The following ZNF804B variants were observed in gnomAD, a reference collection of about 807,000 sequenced individuals.
ZNF804B encodes zinc finger protein 804B, also known as zinc finger 804B.
ZNF804B carries 80 observed loss-of-function variants against 101.4 expected under a neutral mutation model. That is an observed-to-expected ratio of 0.79 (90% CI 0.66 to 0.95). The LOEUF (loss-of-function observed/expected upper bound fraction) is 0.95, where lower values mean the gene tolerates loss of function less well. Ranked by LOEUF, ZNF804B falls within the 40% of genes least tolerant of loss-of-function variation. The pLI is 0.00. For missense variants in ZNF804B, 1,673 were observed against 1,561.9 expected (o/e 1.07, Z -1.20); for synonymous variants, 622 against 558.8 (o/e 1.11, Z -1.59).
chr7:88,850,435 A>T (rs1049687244), intron 1 of ZNF804B, among the ~76,000 whole-genome samples: 2 of 152,144 alleles, frequency 1.3e-5, no homozygotes, highest in African/African-American at 4.8e-5. Flanking sequence ...TAGAGTTCTG[A>T]TCAGTGCGTG....
chr7:89,025,610 C>G (rs908673904), intron 1 of ZNF804B, among the ~76,000 whole-genome samples: 3 of 152,218 alleles, frequency 2.0e-5, no homozygotes, highest in Non-Finnish European at 4.4e-5. Context: ...TCTATATACT[C>G]ACTCTTAGCT....
chr7:89,013,922 G>A (rs1788500886), intron 1 of ZNF804B, among the ~76,000 whole-genome samples: 1 of 152,208 alleles, frequency 6.6e-6, no homozygotes, highest in Non-Finnish European at 1.5e-5. Context: ...GGTCATTTAT[G>A]TCACTGCGAG....
intron 3 of ZNF804B, among the ~76,000 whole-genome samples, chr7:89,330,374 C>T (rs1612019): frequency 0.27 from 41,205 of 151,240 alleles, 6,629 homozygotes; most frequent in East Asian, 0.69. Flanking sequence ...GAATCTAGTG[C>T]CCTTATCTCA....
chr7:89,031,609 A>C (rs556250299), intron 1 of ZNF804B, among the ~76,000 whole-genome samples: 4 of 151,988 alleles, frequency 2.6e-5, no homozygotes, highest in Admixed American at 2.6e-4. Context: ...TCTGCCATTA[A>C]AATTTACAGG....
chr7:88,787,542 T>C (rs1790320579), intron 1 of ZNF804B, among the ~76,000 whole-genome samples: 1 of 152,166 alleles, frequency 6.6e-6, no homozygotes, highest in Non-Finnish European at 1.5e-5. Context: ...TTGCAGTGAA[T>C]TTAACTGTTT....
chr7:89,082,878 GT>G (rs1789716650), intron 1 of ZNF804B, among the ~76,000 whole-genome samples: 1 of 151,470 alleles, frequency 6.6e-6, no homozygotes, highest in Admixed American at 6.6e-5. Flanking sequence ...GAGAATTTTT[GT>G]TTTTCTACTA....
chr7:88,941,632 C>T (rs959910350), intron 1 of ZNF804B, among the ~76,000 whole-genome samples: 1 of 151,804 alleles, frequency 6.6e-6, no homozygotes, highest in Admixed American at 6.6e-5. Flanking sequence ...ACAGACAGAG[C>T]ACAGATGATT....
intron 2 of ZNF804B, among the ~76,000 whole-genome samples, chr7:89,233,650 T>G (rs945276561): frequency 6.6e-6 from 1 of 152,046 alleles, no homozygotes; most frequent in Non-Finnish European, 1.5e-5. Context: ...TTCTCTTTTT[T>G]TTTTTGAGAT....
intron 1 of ZNF804B, among the ~76,000 whole-genome samples, chr7:89,145,534 G>A (rs1402355002): frequency 6.6e-6 from 1 of 151,910 alleles, no homozygotes. Flanking sequence ...CAATTCTTTG[G>A]TTTTCTAATT....
intron 1 of ZNF804B, among the ~76,000 whole-genome samples, chr7:88,994,208 T>C (rs1463263218): frequency 1.2e-4 from 19 of 152,162 alleles, no homozygotes; most frequent in Middle Eastern, 3.4e-3. Flanking sequence ...TTTTTTTTAT[T>C]CAGCTGCCTC....
intron 1 of ZNF804B, among the ~76,000 whole-genome samples, chr7:89,105,886 G>A (rs1298927815): frequency 6.6e-6 from 1 of 152,136 alleles, no homozygotes; most frequent in African/African-American, 2.4e-5. Flanking sequence ...ATTTGATGTA[G>A]TGGTTCACAG....
At position 88,762,935 on chromosome 7, in the gene ZNF804B, T is replaced by G. The variant is rs72612701; in HGVS notation, c.108+2851T>G. Among the ~76,000 whole-genome samples, 172 of 152,312 alleles carry G rather than the reference T, an allele frequency of 1.1e-3. 6 individuals are homozygous for G. The East Asian group carries it at 0.028, about 25-fold the overall frequency. On this transcript the variant is annotated intron_variant, in intron 1 of 3. Coordinates refer to ENST00000333190, the MANE Select transcript of ZNF804B (RefSeq NM_181646.5). ...ATTTTTCTGTTTTATTAGAACTGTT[T>G]GCATGTAGAACATGGTCTTAATATT...
intron 1 of ZNF804B, among the ~76,000 whole-genome samples, chr7:88,877,023 TATAATATATATATATATA>T (rs1562820398): frequency 3.2e-4 from 23 of 72,838 alleles, no homozygotes; most frequent in Non-Finnish European, 4.6e-4. Flanking sequence ...TATATATATA[TATAATATATATATATATA>T]TATATATATT....
chr7:88,891,359 A>G (rs1177694685), intron 1 of ZNF804B, among the ~76,000 whole-genome samples: 2 of 152,128 alleles, frequency 1.3e-5, no homozygotes, highest in African/African-American at 2.4e-5. Context: ...TATTTTAATT[A>G]AAGTCTATTT....
At chr7:88,993,077 A>G (rs1468330256) in intron 1 of ZNF804B, among the ~76,000 whole-genome samples, 2 of 152,020 alleles carry the variant, frequency 1.3e-5, no homozygotes, top group Non-Finnish European at 2.9e-5. Flanking sequence ...CTTATAAAAT[A>G]CTAGCTTTTA....
At chr7:88,814,013 C>T (rs1328463405) in intron 1 of ZNF804B, among the ~76,000 whole-genome samples, 1 of 152,108 alleles carries the variant, frequency 6.6e-6, no homozygotes, top group Non-Finnish European at 1.5e-5. Flanking sequence ...AGAGATAAGA[C>T]ACTTCTGGAA....
chr7:88,825,152 G>C (rs1435963674), intron 1 of ZNF804B, among the ~76,000 whole-genome samples: 1 of 152,106 alleles, frequency 6.6e-6, no homozygotes, highest in African/African-American at 2.4e-5. Context: ...AGCTGAGTGG[G>C]ATCCTGTGAG....
intron 1 of ZNF804B, among the ~76,000 whole-genome samples, chr7:88,827,384 G>C (rs1489910971): frequency 1.3e-5 from 2 of 151,182 alleles, no homozygotes; most frequent in Non-Finnish European, 2.9e-5. Flanking sequence ...ATTTGTAGTT[G>C]CAGTTACTTG....
chr7:89,119,170 C>T (rs1790361041), intron 1 of ZNF804B, among the ~76,000 whole-genome samples: 1 of 152,154 alleles, frequency 6.6e-6, no homozygotes, highest in African/African-American at 2.4e-5. Context: ...CCACTGTCAT[C>T]TTTAGTATCA....
Sources: gnomAD v4.1 joint callset for allele counts (sites outside exome capture counted in the v4.1 genomes callset) on GRCh38, gnomAD v4.1.1 for gene constraint, MANE v1.5 for transcripts, NCBI Gene and HGNC (gene_info 2026-07-23, HGNC 2026-07-21) for gene names.